The following CACNA1B variants were observed in gnomAD, a reference collection of about 807,000 sequenced individuals.
CACNA1B encodes voltage-dependent N-type calcium channel subunit alpha-1B.
Under a neutral mutation model 247.2 loss-of-function variants are expected in CACNA1B, and 70 were observed. The observed-to-expected ratio is 0.28, with a 90% CI of 0.23 to 0.35. CACNA1B has a LOEUF of 0.35. Ranked by LOEUF, CACNA1B falls within the 10% of genes least tolerant of loss-of-function variation. The pLI is 1.00. For synonymous variants in CACNA1B, 1,231 were observed against 1,294.4 expected (o/e 0.95, Z 1.05); for missense variants, 2,367 against 3,197.4 (o/e 0.74, Z 6.26).
At chr9:137,928,955 G>A (rs1299406360) in intron 6 of CACNA1B, among the ~76,000 whole-genome samples, 1 of 152,116 alleles carries the variant, frequency 6.6e-6, no homozygotes, top group Admixed American at 6.5e-5. Context: ...ATTTTGTTGT[G>A]TATTTATAGC....
intron 3 of CACNA1B, among the ~76,000 whole-genome samples, chr9:137,903,837 C>T (rs964150820): frequency 1.1e-4 from 17 of 152,024 alleles, no homozygotes; most frequent in Non-Finnish European, 1.8e-4. Flanking sequence ...TATTGATTGG[C>T]GGCATTTCGA....
In CACNA1B at chr9:138,057,674, G is replaced by C; in HGVS notation, c.3969-58G>C. 1 of 1,539,848 alleles carries C rather than the reference G, an allele frequency of 6.5e-7. No homozygotes were observed. Among genetic ancestry groups the C allele is most frequent in the South Asian group, 1.2e-5 (1 of 83,056 alleles). On this transcript the variant is annotated intron_variant, in intron 26 of 46. Transcript: ENST00000371372. This position sits in a 1 kb window ranked among gnomAD's most constrained non-coding sequence, Gnocchi z 4.0. ...GGAATGGTTTCAACACTCTTGATAG[G>C]TGGGTTTATTTGGATCTTTTGTCTT...
At position 137,913,337 on chromosome 9, in the gene CACNA1B, G is replaced by A. The variant is rs1314861299; in HGVS notation, c.622+66G>A. 2.0e-5 allele frequency: 25 copies of A among 1,244,574 alleles called. No individual in the cohort carries two copies. The highest frequency in any genetic ancestry group is 1.9e-4 in the Middle Eastern group (1 of 5,322). 77.1% of individuals were successfully genotyped at this position (1,244,574 alleles called of 1,614,324 possible). ...CAACCTCCTCTCCTACCCTCACCAC[G>A]GACATGGCCATGGCCATGGTTTGGC... On this transcript the variant is annotated intron_variant, in intron 4 of 46. Transcript: ENST00000371372. This position sits in a 1 kb window ranked among gnomAD's most constrained non-coding sequence, Gnocchi z 5.2.
At chr9:138,069,673 G>A (rs374805621) in intron 31 of CACNA1B, 85 bp from the exon 32 acceptor site, 10 of 992,946 alleles carry the variant, frequency 1.0e-5, no homozygotes, top group East Asian at 9.7e-5. Context: ...CCATGTCTCC[G>A]TCTGTATGTT....
chr9:137,957,655 G>C lies in CACNA1B; in HGVS notation c.1301G>C (p.Gly434Ala). The C allele has an allele frequency of 1.2e-6, 2 of 1,603,364 alleles. No individual in the cohort carries two copies. Among genetic ancestry groups the C allele is most frequent in the Non-Finnish European group, 1.7e-6 (2 of 1,175,176 alleles). The change falls in exon 10 of 47, where the codon GGA becomes GCA. Residue 434 changes from glycine (G) to alanine (A), a missense_variant. By Grantham distance (60) the Gly-to-Ala change is moderately conservative. Coordinates refer to ENST00000371372, the MANE Select transcript of CACNA1B (RefSeq NM_000718.4). The surrounding 1 kb of genome is among the most constrained non-coding windows in gnomAD (Gnocchi z 4.7). ...SRNDLIHAEE[G>A]EDRFADLCAV... ...AATGACCTGATCCACGCAGAGGAGG[G>C]AGAGGACCGGTTTGCAGATCTCTGT...
chr9:137,988,658 G>A lies in CACNA1B; in HGVS notation c.1974+1804G>A, dbSNP rs560197805. Among the ~76,000 whole-genome samples the A allele has an allele frequency of 5.3e-5, 8 of 152,336 alleles. No individual in the cohort carries two copies. In the South Asian group the frequency reaches 1.7e-3, roughly 32 times the overall value. On this transcript the variant is annotated intron_variant, in intron 15 of 46. Coordinates refer to ENST00000371372, the MANE Select transcript of CACNA1B (RefSeq NM_000718.4). The stretch of plus-strand genomic sequence containing the variant: ...ATAGAAATGGAACAGAACATACAGT[G>A]GTGAGAGACAGCAGAGACCCAGGCA...
At chr9:137,908,112 T>C (rs1278736921) in intron 3 of CACNA1B, among the ~76,000 whole-genome samples, 3 of 152,180 alleles carry the variant, frequency 2.0e-5, no homozygotes, top group Admixed American at 2.0e-4. Context: ...AATTTCCTGG[T>C]TTGTTCTTCA....
At chr9:138,109,527 G>A (rs1231090365) in intron 39 of CACNA1B, among the ~76,000 whole-genome samples, 1 of 152,154 alleles carries the variant, frequency 6.6e-6, no homozygotes, top group African/African-American at 2.4e-5. Context: ...AAAAGAGCAA[G>A]TGGATTTCCA....
In CACNA1B at chr9:137,900,925, A is replaced by G. The variant is rs553293530; in HGVS notation, c.531-12255A>G. Among the ~76,000 whole-genome samples the G allele has an allele frequency of 9.5e-5, 10 of 104,840 alleles. No individual in the cohort carries two copies. The South Asian group carries it at 2.4e-3, about 26-fold the overall frequency. The allele number at this position is 104,840 out of a possible 152,430, so 68.8% of individuals were successfully genotyped here. A position where few individuals can be genotyped will look rare whatever the true frequency, so the allele number is the denominator to read the frequency against. Reference sequence around the variant, plus strand: ...GTGTCCGTGTGTCTGTGTCTGTGCCATGGTGTGTCTCTGTCTGTGCCTTGT... The same window carrying G: ...GTGTCCGTGTGTCTGTGTCTGTGCCGTGGTGTGTCTCTGTCTGTGCCTTGT... On this transcript the variant is annotated intron_variant, in intron 3 of 46. Transcript: ENST00000371372.
At chr9:138,114,313 C>T (rs769865967) in intron 40 of CACNA1B, 65 bp from the exon 41 acceptor site, 25 of 815,140 alleles carry the variant, frequency 3.1e-5, no homozygotes, top group Non-Finnish European at 3.6e-5. Flanking sequence ...ACCTTACTTC[C>T]ATACCTTGTT....
In CACNA1B at chr9:137,881,383, C is replaced by G. The variant is rs532351677; in HGVS notation, c.391-1361C>G. Among the ~76,000 whole-genome samples the G allele has an allele frequency of 6.6e-6, 1 of 152,122 alleles. No homozygotes were observed. Among genetic ancestry groups the G allele is most frequent in the African/African-American group, 2.4e-5 (1 of 41,440 alleles). ...GGCTGAGTAAGGTGGGAGTCAGATG[C>G]GGAGAGCCCTCGAGAGCCTGGCTTC... On this transcript the variant is annotated intron_variant, in intron 2 of 46. Coordinates refer to ENST00000371372, the MANE Select transcript of CACNA1B (RefSeq NM_000718.4). This position sits in a 1 kb window ranked among gnomAD's most constrained non-coding sequence, Gnocchi z 4.3.
rs771434425 is a variant in CACNA1B at position 138,043,752 on chromosome 9, CGGG to C, written c.3287-19_3287-17del. ...CTTCATGTGCACTACACCCCTTACT[CGGG>C]GGCCCTGTGTCCTTGTAGGTGGTAA... is the stretch of plus-strand genomic sequence containing the variant. On this transcript the variant is annotated intron_variant, in intron 20 of 46. Transcript: ENST00000371372. 1 of 1,613,590 alleles carries C rather than the reference CGGG, an allele frequency of 6.2e-7. No homozygotes were observed.
chr9:137,984,384 C>A, intron 13 of CACNA1B, 134 bp downstream of exon 13: 1 of 695,764 alleles, frequency 1.4e-6, no homozygotes, highest in Non-Finnish European at 2.5e-6. Flanking sequence ...GATTTAAATA[C>A]AAAAGGTGGT....
intron 20 of CACNA1B, among the ~76,000 whole-genome samples, chr9:138,035,150 T>C (rs890170357): frequency 3.9e-5 from 6 of 152,232 alleles, no homozygotes; most frequent in Non-Finnish European, 7.3e-5. Flanking sequence ...CATTATCTTA[T>C]AGCATCTCAA....
chr9:138,101,919 T>A (rs1961265171), intron 37 of CACNA1B, among the ~76,000 whole-genome samples: 1 of 152,034 alleles, frequency 6.6e-6, no homozygotes, highest in South Asian at 2.1e-4. Context: ...TTGGGAAGAC[T>A]CTGTCATCGG....
In CACNA1B at chr9:137,877,913, T is replaced by C. The variant is rs937104611; in HGVS notation, c.-21T>C. On this transcript the variant is annotated 5_prime_UTR_variant, in exon 1 of 47. It removes an upstream start codon present in the reference 5' UTR. Coordinates refer to ENST00000371372, the MANE Select transcript of CACNA1B (RefSeq NM_000718.4). ...CCTGCCGGGGCCGCTGGGCCGGGGATGCACGCGGGGCCCGGGAGCCATGGT... is the reference window on the plus strand; with the variant it reads ...CCTGCCGGGGCCGCTGGGCCGGGGACGCACGCGGGGCCCGGGAGCCATGGT... 3.9e-6 allele frequency: 4 copies of C among 1,021,918 alleles called. No individual in the cohort carries two copies. The African/African-American group carries it at 7.0e-5, about 18-fold the overall frequency. 63.3% of individuals were successfully genotyped at this position (1,021,918 alleles called of 1,614,324 possible). A position where few individuals can be genotyped will look rare whatever the true frequency, so the allele number is the denominator to read the frequency against.
At chr9:138,108,565 A>G (rs1257575571) in intron 39 of CACNA1B, among the ~76,000 whole-genome samples, 2 of 152,218 alleles carry the variant, frequency 1.3e-5, no homozygotes, top group Admixed American at 6.5e-5. Flanking sequence ...CTAGACAAAG[A>G]CATGACCAGA....
chr9:137,994,597 A>G (rs1039002151), intron 15 of CACNA1B, among the ~76,000 whole-genome samples: 6 of 152,192 alleles, frequency 3.9e-5, no homozygotes, highest in African/African-American at 1.4e-4. Flanking sequence ...AAAGAACTCA[A>G]CCCCTTTTAC....
chr9:138,016,677 G>C (rs1014689501), intron 18 of CACNA1B, among the ~76,000 whole-genome samples: 2 of 152,086 alleles, frequency 1.3e-5, no homozygotes, highest in African/African-American at 4.8e-5. Context: ...TCAGCCTCCC[G>C]CCGCAGGGTG....
Sources: allele counts gnomAD v4.1 joint callset (sites outside exome capture counted in the v4.1 genomes callset), GRCh38; gene constraint gnomAD v4.1.1; non-coding constraint Gnocchi (gnomAD v3.1); transcripts MANE v1.5; gene names NCBI Gene and HGNC (gene_info 2026-07-23, HGNC 2026-07-21).